Variants in ZFPM2 observed in about 807,000 individuals in gnomAD.
The protein encoded by ZFPM2 is zinc finger protein ZFPM2.
In ZFPM2, 20 loss-of-function variants were observed where a neutral mutation model predicts 98.6. The ratio of observed to expected loss-of-function variants is 0.20; its 90% confidence interval spans 0.14 to 0.29. The LOEUF (loss-of-function observed/expected upper bound fraction) is 0.29, where lower values mean the gene tolerates loss of function less well. ZFPM2 is among the 10% of genes least tolerant of loss of function. The probability of loss-of-function intolerance (pLI) is 1.00; values close to 1 mark genes in which losing one functional copy is unlikely to be tolerated. For synonymous variants in ZFPM2, 518 were observed against 502.7 expected, an observed-to-expected ratio of 1.03 and a Z score of -0.41; for missense variants, 1,310 against 1,388.6, an observed-to-expected ratio of 0.94 and a Z score of 0.90.
intron 3 of ZFPM2, among the ~76,000 whole-genome samples, chr8:105,467,773 A>G (rs1812821502): frequency 6.6e-6 from 1 of 152,002 alleles, no homozygotes; most frequent in Non-Finnish European, 1.5e-5. Context: ...ACAACATAAT[A>G]AAAAAGAGTG....
intron 3 of ZFPM2, among the ~76,000 whole-genome samples, chr8:105,452,314 T>G (rs1180363938): frequency 6.6e-6 from 1 of 152,194 alleles, no homozygotes; most frequent in African/African-American, 2.4e-5. Flanking sequence ...CTAACAGGGT[T>G]TTACTGTGTT....
At chr8:105,334,124 G>GTGTA (rs1812283698) in intron 1 of ZFPM2, among the ~76,000 whole-genome samples, 1 of 147,508 alleles carries the variant, frequency 6.8e-6, no homozygotes, top group African/African-American at 2.5e-5. Flanking sequence ...TAAACTGTGT[G>GTGTA]TGTGTGTGTG....
chr8:105,696,199 A>AT (rs551711943), intron 5 of ZFPM2, among the ~76,000 whole-genome samples: 61 of 152,320 alleles, frequency 4.0e-4, no homozygotes, highest in African/African-American at 1.3e-3. Context: ...GCCGTGCACC[A>AT]TCCTGGTGTT....
chr8:105,654,553 A>C (rs2130875180), intron 5 of ZFPM2, among the ~76,000 whole-genome samples: 1 of 147,530 alleles, frequency 6.8e-6, no homozygotes, highest in Admixed American at 6.9e-5. Context: ...CATGTGAATT[A>C]AGATTTATCT....
chr8:105,505,461 A>G (rs1180782728), intron 3 of ZFPM2, among the ~76,000 whole-genome samples: 3 of 152,108 alleles, frequency 2.0e-5, no homozygotes, highest in Non-Finnish European at 2.9e-5. Context: ...ATAGATACAA[A>G]CTCAAAATAA....
intron 5 of ZFPM2, among the ~76,000 whole-genome samples, chr8:105,698,985 A>G (rs1021143045): frequency 6.6e-6 from 1 of 152,150 alleles, no homozygotes; most frequent in African/African-American, 2.4e-5. Flanking sequence ...TAATACATTG[A>G]CCTAAGCCAA....
At chr8:105,380,448 T>A (rs1262109317) in intron 1 of ZFPM2, among the ~76,000 whole-genome samples, 1 of 148,754 alleles carries the variant, frequency 6.7e-6, no homozygotes, top group Non-Finnish European at 1.5e-5. Context: ...ACACTGAATC[T>A]CACTCACGAT....
chr8:105,488,093 T>C (rs1813271776), intron 3 of ZFPM2, among the ~76,000 whole-genome samples: 1 of 152,142 alleles, frequency 6.6e-6, no homozygotes, highest in Non-Finnish European at 1.5e-5. Context: ...AGTACATTTG[T>C]TACAATTGAT....
At chr8:105,741,519 G>A (rs1196827813) in intron 5 of ZFPM2, among the ~76,000 whole-genome samples, 1 of 152,070 alleles carries the variant, frequency 6.6e-6, no homozygotes, top group Non-Finnish European at 1.5e-5. Flanking sequence ...ACCCAGGTGA[G>A]CGGAGCAAAG....
chr8:105,679,932 A>T (rs1810563676), intron 5 of ZFPM2, among the ~76,000 whole-genome samples: 1 of 152,138 alleles, frequency 6.6e-6, no homozygotes, highest in African/African-American at 2.4e-5. Flanking sequence ...AAGAAACTTT[A>T]CTCATGAGAG....
At chr8:105,624,229 A>G (rs1816608993) in intron 4 of ZFPM2, among the ~76,000 whole-genome samples, 1 of 152,156 alleles carries the variant, frequency 6.6e-6, no homozygotes, top group Non-Finnish European at 1.5e-5. Context: ...CTCGAGAGCA[A>G]TTTACTTTTC....
In ZFPM2 at chr8:105,745,120, C is replaced by T. The variant is rs1392145750; in HGVS notation, c.533-43598C>T. Among the ~76,000 whole-genome samples, 19 of 152,222 alleles carry T rather than the reference C, an allele frequency of 1.2e-4. No individual in the cohort carries two copies. In the South Asian group the frequency reaches 1.7e-3, roughly 13 times the overall value. On this transcript the variant is annotated intron_variant, in intron 5 of 7. Transcript: ENST00000407775. Reference sequence around the variant, plus strand: ...TGTAGCTTTTAATGTGTCTTTATACCGGATAACCCTATGCAAACTGTATTA... The same window carrying T: ...TGTAGCTTTTAATGTGTCTTTATACTGGATAACCCTATGCAAACTGTATTA...
chr8:105,355,899 A>G (rs1812733125), intron 1 of ZFPM2, among the ~76,000 whole-genome samples: 2 of 152,226 alleles, frequency 1.3e-5, no homozygotes, highest in African/African-American at 4.8e-5. Context: ...AGATGTCATC[A>G]GATTTTGTAA....
chr8:105,490,793 T>C (rs947094026), intron 3 of ZFPM2, among the ~76,000 whole-genome samples: 3 of 152,148 alleles, frequency 2.0e-5, no homozygotes, highest in Non-Finnish European at 4.4e-5. Context: ...AAATAAAACT[T>C]CCAATCTAAT....
At chr8:105,681,168 AG>A (rs1223736003) in intron 5 of ZFPM2, among the ~76,000 whole-genome samples, 2 of 152,186 alleles carry the variant, frequency 1.3e-5, no homozygotes, top group Non-Finnish European at 2.9e-5. Context: ...TTATGAAGAT[AG>A]GGTTATATAA....
chr8:105,353,602 C>T (rs1812689104), intron 1 of ZFPM2, among the ~76,000 whole-genome samples: 1 of 152,166 alleles, frequency 6.6e-6, no homozygotes, highest in African/African-American at 2.4e-5. Flanking sequence ...ATCTCCAGAA[C>T]TGAATACAGT....
In ZFPM2 at chr8:105,800,954, G is replaced by A. The variant is rs1449413740; in HGVS notation, c.965-93G>A. 11 of 1,172,654 alleles carry A rather than the reference G, an allele frequency of 9.4e-6. No individual in the cohort carries two copies. The East Asian group carries it at 2.1e-4, about 23-fold the overall frequency. The allele number at this position is 1,172,654 out of a possible 1,614,324, so 72.6% of individuals were successfully genotyped here. A position where few individuals can be genotyped will look rare whatever the true frequency, so the allele number is the denominator to read the frequency against. On this transcript the variant is annotated intron_variant, in intron 7 of 7. Coordinates refer to ENST00000407775, the MANE Select transcript of ZFPM2 (RefSeq NM_012082.4). ...AATTTTGAAAGATTTCATTCCTATT[G>A]TGTTGCAAACATTAGGTCATTAGAA...
At chr8:105,502,511 C>T (rs376978361) in intron 3 of ZFPM2, among the ~76,000 whole-genome samples, 38 of 152,212 alleles carry the variant, frequency 2.5e-4, no homozygotes, top group East Asian at 7.7e-4. Context: ...GAAAAAAAGA[C>T]GATCTTGGTA....
At chr8:105,459,135 G>A (rs543483176) in intron 3 of ZFPM2, among the ~76,000 whole-genome samples, 5 of 152,220 alleles carry the variant, frequency 3.3e-5, no homozygotes, top group African/African-American at 1.2e-4. Flanking sequence ...GTGCAGTGGT[G>A]CAACCACAGC....
Sources: gnomAD v4.1 joint callset for allele counts (sites outside exome capture counted in the v4.1 genomes callset) on GRCh38, gnomAD v4.1.1 for gene constraint, MANE v1.5 for transcripts, NCBI Gene and HGNC (gene_info 2026-07-23, HGNC 2026-07-21) for gene names.